The following REPIN1 variants were observed in gnomAD, a reference collection of about 807,000 sequenced individuals.
The protein encoded by REPIN1 is replication initiator 1, also known as DNA-binding protein REPIN1.
REPIN1 carries 4 observed loss-of-function variants against 5.7 expected under a neutral mutation model. The ratio of observed to expected loss-of-function variants is 0.71; its 90% CI spans 0.35 to 1.62. The LOEUF (loss-of-function observed/expected upper bound fraction) is 1.62. REPIN1 is among the 40% of genes most tolerant of loss of function. The pLI, the probability that REPIN1 is intolerant of heterozygous loss-of-function variation, is 0.05. For synonymous variants in REPIN1, 410 were observed against 386.2 expected, an observed-to-expected ratio of 1.06 and a Z score of -0.72; for missense variants, 854 against 901.0, an observed-to-expected ratio of 0.95 and a Z score of 0.67.
chr7:150,368,352 G>T (rs1240521959), upstream of REPIN1: 1 of 152,100 alleles, frequency 6.6e-6, no homozygotes, highest in Non-Finnish European at 1.5e-5. Context: ...CGCCGCGGCC[G>T]CAAGCGTCCG....
chr7:150,370,337 C>T (rs533270549), intron 2 of REPIN1: 175 of 259,426 alleles, frequency 6.7e-4, no homozygotes, highest in African/African-American at 3.7e-3. Flanking sequence ...TGTGGGTGTT[C>T]CTTGGATTCA....
chr7:150,369,664 C>T lies in REPIN1; in HGVS notation c.-41-7C>T, dbSNP rs752432205. 4 of 1,613,060 alleles carry T rather than the reference C, an allele frequency of 2.5e-6. No homozygotes were observed. In the East Asian group the frequency reaches 6.7e-5, roughly 27 times the overall value. Reference sequence around the variant, plus strand: ...CCTCACTTCTGTTTTCTCTTCCCTCCCCACAGGTAAGGCTGGCCTCTCTGC... The same window carrying T: ...CCTCACTTCTGTTTTCTCTTCCCTCTCCACAGGTAAGGCTGGCCTCTCTGC... On this transcript the variant is annotated splice_region_variant and splice_polypyrimidine_tract_variant and intron_variant, in intron 1 of 2. Transcript: ENST00000489432.
chr7:150,372,321 G>A lies in REPIN1; in HGVS notation c.1251G>A (p.Pro417=). The A allele has an allele frequency of 1.3e-6, 2 of 1,519,688 alleles. No homozygotes were observed. Among genetic ancestry groups the A allele is most frequent in the Non-Finnish European group, 1.8e-6 (2 of 1,140,792 alleles). The allele number at this position is 1,519,688 out of a possible 1,614,324, so 94.1% of individuals were successfully genotyped here. ...KPAQEPPPGA[P]PEHPQDPIEA... is the part of the protein sequence containing the mutation. ...CCCAGGAGCCGCCGCCAGGGGCCCCGCCAGAGCACCCGCAGGACCCGATCG... is the reference window on the plus strand; with the variant it reads ...CCCAGGAGCCGCCGCCAGGGGCCCCACCAGAGCACCCGCAGGACCCGATCG... Residue 417 remains proline (P), a synonymous_variant, in exon 3 of 3, where the codon CCG becomes CCA. Transcript: ENST00000489432.
Position 150,372,929 on chromosome 7 carries a change from A to G in REPIN1, c.1859A>G (p.Lys620Arg), listed in dbSNP as rs1800033275. ...DDEERLLAHQ[K>R]KHDV ...GAGGAGAGACTCCTGGCCCACCAGAAGAAGCACGATGTCTGAGACGGTGGG... is the reference window on the plus strand; with the variant it reads ...GAGGAGAGACTCCTGGCCCACCAGAGGAAGCACGATGTCTGAGACGGTGGG... Residue 620 changes from lysine (K) to arginine (R), a missense_variant, in exon 3 of 3, where the codon AAG becomes AGG. Transcript: ENST00000489432. 1 of 1,612,776 alleles carries G rather than the reference A, an allele frequency of 6.2e-7. No individual in the cohort carries two copies. The highest frequency in any genetic ancestry group is 1.3e-5 in the African/African-American group (1 of 74,940).
chr7:150,372,511 G>T lies in REPIN1; in HGVS notation c.1441G>T (p.Val481Leu), dbSNP rs1385440400. The T allele has an allele frequency of 6.4e-7, 1 of 1,551,112 alleles. No homozygotes were observed. The highest frequency in any genetic ancestry group is 8.7e-7 in the Non-Finnish European group (1 of 1,155,248). The part of the protein sequence containing the change: ...KKTHLVAHSR[V>L]HSGERPFACE... ...GACGCACCTGGTGGCGCACTCGCGC[G>T]TGCACTCCGGCGAGCGGCCCTTCGC... The change falls in exon 3 of 3, where the codon GTG (valine) becomes TTG (leucine). Residue 481 changes from valine to leucine, a missense_variant. Val to Leu is a conservative substitution (Grantham distance 32, BLOSUM62 1). Transcript: ENST00000489432.
In REPIN1 at chr7:150,372,605, C is replaced by T. The variant is rs772144950; in HGVS notation, c.1535C>T (p.Pro512Leu). Residue 512 changes from proline (P) to leucine (L), a missense_variant, in exon 3 of 3, where the codon CCC (proline) becomes CTC (leucine). Pro to Leu is a moderately conservative substitution (Grantham distance 98). Around this residue, in one of 5 missense-constraint regions of REPIN1, gnomAD observed 327 missense variants for 307.8 expected, o/e 1.06. Coordinates refer to ENST00000489432, the MANE Select transcript of REPIN1 (RefSeq NM_001099695.2). ...GCGGCGCATCGGCGCGACCACGCCC[C>T]CGATCGGCCCTTCGTGTGTCCCGAC... ...HLAAHRRDHA[P>L]DRPFVCPDCG... The T allele has an allele frequency of 3.1e-6, 5 of 1,607,484 alleles. No homozygotes were observed. The African/African-American group carries it at 5.3e-5, about 17-fold the overall frequency.
upstream of REPIN1, chr7:150,368,118 C>A (rs1472121375): frequency 1.3e-5 from 2 of 152,238 alleles, no homozygotes; most frequent in Non-Finnish European, 2.9e-5. Context: ...GGCTGCTGAG[C>A]CTTTCCAAGC....
chr7:150,371,022 T>G, intron 2 of REPIN1: 1 of 675,412 alleles, frequency 1.5e-6, no homozygotes, highest in South Asian at 1.9e-5. Context: ...AACAAAGACA[T>G]AAGACAAACA....
rs1799711579 is a variant in REPIN1 at position 150,371,383 on chromosome 7, T to A, written c.313T>A (p.Ser105Thr). ...GCAACAAGGCACGTCAGTGGCCCAG[T>A]CTGGTGCCCAAGCCCCAGGCAGGGC... ...LRQQGTSVAQ[S>T]GAQAPGRAHR... Residue 105 changes from serine to threonine, a missense_variant, in exon 3 of 3, where the codon TCT becomes ACT. Ser to Thr is a moderately conservative substitution (Grantham distance 58). Around this residue, in one of 5 missense-constraint regions of REPIN1, gnomAD observed 409 missense variants for 418.6 expected, o/e 0.98. Coordinates refer to ENST00000489432, the MANE Select transcript of REPIN1 (RefSeq NM_001099695.2). 1 of 1,595,260 alleles carries A rather than the reference T, an allele frequency of 6.3e-7. No individual in the cohort carries two copies.
chr7:150,369,977 C>A, intron 2 of REPIN1, 109 bp downstream of exon 2: 1 of 1,322,674 alleles, frequency 7.6e-7, no homozygotes, highest in Non-Finnish European at 1.0e-6. Flanking sequence ...GGGGTCTTCC[C>A]TGTGCACAGT....
Position 150,372,458 on chromosome 7 carries a change from C to T in REPIN1, c.1388C>T (p.Ala463Val). The T allele has an allele frequency of 6.5e-7, 1 of 1,533,980 alleles. No homozygotes were observed. The highest frequency in any genetic ancestry group is 1.2e-5 in the South Asian group (1 of 81,680). Residue 463 changes from alanine to valine, a missense_variant, in exon 3 of 3, where the codon GCC becomes GTC. This residue lies in a region of REPIN1 where 327 missense variants were observed against 307.8 expected (regional missense o/e 1.06). Transcript: ENST00000489432. ...QHTGERPFTC[A>V]ECGKNFGKKT... ...ACCGGGGAGCGGCCCTTCACCTGCG[C>T]CGAGTGCGGGAAGAACTTCGGCAAG...
Position 150,372,008 on chromosome 7 carries a change from G to A in REPIN1, c.938G>A (p.Arg313His), listed in dbSNP as rs1190065617. Reference protein sequence around the residue: ...RHKPNLIAHRRVHTGERPHQC... With the variant: ...RHKPNLIAHRHVHTGERPHQC... ...AAGCCCAACTTGATCGCTCACCGCCGCGTGCACACGGGCGAGCGGCCCCAC... is the reference window on the plus strand; with the variant it reads ...AAGCCCAACTTGATCGCTCACCGCCACGTGCACACGGGCGAGCGGCCCCAC... Residue 313 changes from arginine to histidine, a missense_variant, in exon 3 of 3, where the codon CGC becomes CAC. Physicochemically the swap from Arg to His is conservative, Grantham distance 29. Coordinates refer to ENST00000489432, the MANE Select transcript of REPIN1 (RefSeq NM_001099695.2). 6.2e-7 allele frequency: 1 copy of A among 1,611,626 alleles called. No individual in the cohort carries two copies. Among genetic ancestry groups the A allele is most frequent in the Non-Finnish European group, 8.5e-7 (1 of 1,179,656 alleles).
intron 2 of REPIN1, chr7:150,370,483 T>G (rs1799541049): frequency 2.1e-6 from 1 of 467,596 alleles, no homozygotes; most frequent in Admixed American, 3.5e-5. Context: ...TCTGCTCCTG[T>G]TCCCCGAGAA....
intron 1 of REPIN1, 118 bp downstream of exon 1, chr7:150,369,059 T>A: frequency 6.6e-6 from 1 of 150,938 alleles, no homozygotes; most frequent in Non-Finnish European, 1.2e-5. Context: ...GGGACGCTGC[T>A]GGATCTGCGG....
upstream of REPIN1, chr7:150,368,190 G>C (rs1799013269): frequency 6.6e-6 from 1 of 152,258 alleles, no homozygotes; most frequent in African/African-American, 2.4e-5. Context: ...CCCGCAGCCA[G>C]AGGAAGCCCA....
Position 150,371,349 on chromosome 7 carries a change from C to T in REPIN1, c.279C>T (p.Arg93=), listed in dbSNP as rs778362288. The change falls in exon 3 of 3, where the codon CGC becomes CGT. Residue 93 remains arginine, a synonymous_variant. Transcript: ENST00000489432. ...ESPQTLGKES[R]GLRQQGTSVA... Reference sequence around the variant, plus strand: ...CCCAGACCCTGGGGAAGGAGTCCCGCGGGCTGAGGCAACAAGGCACGTCAG... The same window carrying T: ...CCCAGACCCTGGGGAAGGAGTCCCGTGGGCTGAGGCAACAAGGCACGTCAG... 7.6e-6 allele frequency: 12 copies of T among 1,587,280 alleles called. No individual in the cohort carries two copies. Among genetic ancestry groups the T allele is most frequent in the East Asian group, 2.3e-5 (1 of 43,564 alleles).
At chr7:150,371,128 G>A (rs1799661403) in intron 2 of REPIN1, 100 bp from the exon 3 acceptor site, 1 of 1,361,316 alleles carries the variant, frequency 7.3e-7, no homozygotes, top group African/African-American at 1.5e-5. Flanking sequence ...GGCTCTAGGG[G>A]TTCATAGATG....
intron 1 of REPIN1, chr7:150,369,343 G>A: frequency 2.6e-6 from 1 of 386,636 alleles, no homozygotes; most frequent in South Asian, 3.5e-5. Context: ...GGGAAGGGGA[G>A]CCAGCAGGGA....
At chr7:150,368,734 C>T (rs1323244575), upstream of REPIN1, 2 of 264,480 alleles carry the variant, frequency 7.6e-6, no homozygotes, top group Non-Finnish European at 1.4e-5. Context: ...CAGGCCGCGG[C>T]CGCGGGAGCC....
Sources: allele counts gnomAD v4.1 joint callset, GRCh38; gene constraint gnomAD v4.1.1; regional missense constraint gnomAD v4.1.1; transcripts MANE v1.5; gene names NCBI Gene and HGNC (gene_info 2026-07-23, HGNC 2026-07-21).